ZC3H8: variants seen among roughly 807,000 people sequenced by gnomAD.
ZC3H8 encodes zinc finger CCCH domain-containing protein 8.
In ZC3H8, 27 loss-of-function variants were observed where a neutral mutation model predicts 42.5. That is an observed-to-expected ratio of 0.64 (90% CI 0.47 to 0.88). ZC3H8 has a LOEUF of 0.88. Ranked by LOEUF, ZC3H8 falls within the 40% of genes least tolerant of loss-of-function variation. The pLI is 0.00. For missense variants in ZC3H8, 277 were observed against 336.1 expected (o/e 0.82, Z 1.37); for synonymous variants, 101 against 110.1 (o/e 0.92, Z 0.52).
intron 2 of ZC3H8, among the ~76,000 whole-genome samples, chr2:112,242,791 TA>T (rs1427562183): frequency 6.6e-6 from 1 of 152,228 alleles, no homozygotes; most frequent in South Asian, 2.1e-4. Context: ...CTCTTCTGAT[TA>T]AAATTATTCT....
chr2:112,238,276 C>CTA, intron 3 of ZC3H8, 39 bp downstream of exon 3: 1 of 1,591,122 alleles, frequency 6.3e-7, no homozygotes, highest in Non-Finnish European at 8.6e-7. Context: ...GACTGCTTCT[C>CTA]TAGATAAACT....
At chr2:112,247,499 AACCT>A (rs1474601716) in intron 2 of ZC3H8, among the ~76,000 whole-genome samples, 1 of 152,220 alleles carries the variant, frequency 6.6e-6, no homozygotes, top group Non-Finnish European at 1.5e-5. Flanking sequence ...GAATTGCTTG[AACCT>A]GGGAGGTGGA....
chr2:112,254,656 C>T (rs1573933434), intron 1 of ZC3H8, among the ~76,000 whole-genome samples: 1 of 152,234 alleles, frequency 6.6e-6, no homozygotes, highest in African/African-American at 2.4e-5. Context: ...CCACCCCGCT[C>T]CCCCGCCCAG....
intron 2 of ZC3H8, 63 bp from the exon 3 acceptor site, chr2:112,238,591 C>T: frequency 2.2e-6 from 3 of 1,377,056 alleles, no homozygotes; most frequent in Non-Finnish European, 3.0e-6. Flanking sequence ...TCTGGCTATA[C>T]AGAAGAAACA....
At chr2:112,225,467 G>A (rs551076961) in intron 8 of ZC3H8, among the ~76,000 whole-genome samples, 43 of 152,088 alleles carry the variant, frequency 2.8e-4, no homozygotes, top group Non-Finnish European at 6.0e-4. Flanking sequence ...AACAGAGCAA[G>A]ACCCTATGTC....
At chr2:112,248,055 G>A (rs1375288995) in intron 2 of ZC3H8, among the ~76,000 whole-genome samples, 1 of 152,214 alleles carries the variant, frequency 6.6e-6, no homozygotes, top group Non-Finnish European at 1.5e-5. Flanking sequence ...GCTGGGCATG[G>A]TGGCTCACAC....
intron 2 of ZC3H8, among the ~76,000 whole-genome samples, chr2:112,246,367 G>C (rs1315268500): frequency 6.6e-6 from 1 of 152,216 alleles, no homozygotes; most frequent in Non-Finnish European, 1.5e-5. Flanking sequence ...GCCATAGAAA[G>C]TGATTTCTCT....
At chr2:112,240,545 G>C (rs1685533373) in intron 2 of ZC3H8, 1 of 152,146 alleles carries the variant, frequency 6.6e-6, no homozygotes, top group African/African-American at 2.4e-5. Context: ...CCCTCTGTCT[G>C]CACAAAACAC....
chr2:112,214,856 T>C lies in ZC3H8; in HGVS notation c.*1628A>G, dbSNP rs1432789361. ...TTCATGAGAATCTCTGTCTCCTAAC[T>C]TGATTCAACACAAATTAAGATATTT... On this transcript the variant is annotated 3_prime_UTR_variant, in exon 9 of 9. Coordinates refer to ENST00000409573, the MANE Select transcript of ZC3H8 (RefSeq NM_032494.3). 6.6e-6 allele frequency: 1 copy of C among 152,148 alleles called. No individual in the cohort carries two copies. The highest frequency in any genetic ancestry group is 1.5e-5 in the Non-Finnish European group (1 of 68,026). The allele number at this position is 152,148 out of a possible 1,614,324, so 9.4% of individuals were successfully genotyped here.
At chr2:112,244,966 C>T (rs1337285399) in intron 2 of ZC3H8, among the ~76,000 whole-genome samples, 1 of 152,212 alleles carries the variant, frequency 6.6e-6, no homozygotes, top group African/African-American at 2.4e-5. Flanking sequence ...TATGTCTCTA[C>T]TGAAATCAAA....
Position 112,250,156 on chromosome 2 carries a change from G to GT in ZC3H8, c.156+34dup, listed in dbSNP as rs770385485. 7 of 1,465,788 alleles carry GT rather than the reference G, an allele frequency of 4.8e-6. No homozygotes were observed. The African/African-American group carries it at 5.7e-5, about 12-fold the overall frequency. The allele number at this position is 1,465,788 out of a possible 1,614,324, so 90.8% of individuals were successfully genotyped here. On this transcript the variant is annotated intron_variant, in intron 2 of 8. Transcript: ENST00000409573. ...GTGAAACTGAGAAAAAAAAATCTGCGTTTTCAACTTAAACAGTGGTCAACT... is the reference window on the plus strand; with the variant it reads ...GTGAAACTGAGAAAAAAAAATCTGCGTTTTTCAACTTAAACAGTGGTCAACT...
chr2:112,230,795 G>A (rs985783021), intron 8 of ZC3H8, 108 bp downstream of exon 8: 14 of 636,346 alleles, frequency 2.2e-5, no homozygotes, highest in Middle Eastern at 3.4e-4. Flanking sequence ...TTTTAGTGGC[G>A]GAGGAAGAAG....
intron 2 of ZC3H8, among the ~76,000 whole-genome samples, chr2:112,249,247 T>A (rs1037602340): frequency 1.3e-5 from 2 of 151,936 alleles, no homozygotes; most frequent in Admixed American, 6.6e-5. Flanking sequence ...GAGAACACCA[T>A]GTGAATATGA....
intron 4 of ZC3H8, among the ~76,000 whole-genome samples, chr2:112,235,788 A>C (rs1222019881): frequency 6.6e-6 from 1 of 152,142 alleles, no homozygotes; most frequent in Non-Finnish European, 1.5e-5. Flanking sequence ...AATGCTCAGA[A>C]ATATTGATTT....
rs1553483034 is a variant in ZC3H8, at chr2:112,212,988, T to TTTTTA, written c.*3495_*3496insTAAAA. On this transcript the variant is annotated 3_prime_UTR_variant, in exon 9 of 9. Coordinates refer to ENST00000409573, the MANE Select transcript of ZC3H8 (RefSeq NM_032494.3). ...TGCTTTTTTTTTTTTTTTTTTTTTT[T>TTTTTA]ATAAGAGACAAGGCTCTGTTGCCCA... is the stretch of plus-strand genomic sequence containing the variant. 1 of 115,568 alleles carries TTTTTA rather than the reference T, an allele frequency of 8.7e-6. No homozygotes were observed. Among genetic ancestry groups the TTTTTA allele is most frequent in the Non-Finnish European group, 1.8e-5 (1 of 54,224 alleles). 7.2% of individuals were successfully genotyped at this position (115,568 alleles called of 1,614,324 possible).
At position 112,214,122 on chromosome 2, in the gene ZC3H8, A is replaced by G. The variant is rs1293479627; in HGVS notation, c.*2362T>C. 6.6e-6 allele frequency: 1 copy of G among 151,336 alleles called. No homozygotes were observed. The highest frequency in any genetic ancestry group is 2.0e-4 in the East Asian group (1 of 5,110). 9.4% of individuals were successfully genotyped at this position (151,336 alleles called of 1,614,324 possible). A position where few individuals can be genotyped will look rare whatever the true frequency, so the allele number is the denominator to read the frequency against. ...CCACCTCGCCCAGCTAATTTTTTGT[A>G]ATTTTAGTAGAGATGGGGTTTCACC... On this transcript the variant is annotated 3_prime_UTR_variant, in exon 9 of 9. Transcript: ENST00000409573.
chr2:112,232,220 G>A (rs2104653713), intron 6 of ZC3H8, among the ~76,000 whole-genome samples: 1 of 150,444 alleles, frequency 6.6e-6, no homozygotes, highest in East Asian at 2.0e-4. Context: ...GGAGGCTGAG[G>A]CACCAAAATC....
At chr2:112,243,485 CTTA>C (rs1685653863) in intron 2 of ZC3H8, among the ~76,000 whole-genome samples, 2 of 152,112 alleles carry the variant, frequency 1.3e-5, no homozygotes, top group Admixed American at 6.5e-5. Context: ...GAAATAAAGT[CTTA>C]TTATATATCA....
chr2:112,253,677 T>C (rs1201026949), intron 1 of ZC3H8, among the ~76,000 whole-genome samples: 1 of 152,242 alleles, frequency 6.6e-6, no homozygotes, highest in Non-Finnish European at 1.5e-5. Flanking sequence ...CTTTTATGTA[T>C]TGCAGTCAAG....
Sources: allele counts gnomAD v4.1 joint callset (sites outside exome capture counted in the v4.1 genomes callset), GRCh38; gene constraint gnomAD v4.1.1; transcripts MANE v1.5; gene names NCBI Gene and HGNC (gene_info 2026-07-23, HGNC 2026-07-21).